TMEM132D: variants seen among roughly 807,000 people sequenced by gnomAD.
TMEM132D encodes transmembrane protein 132D.
TMEM132D carries 21 observed loss-of-function variants against 62.3 expected under a neutral mutation model. The observed-to-expected ratio is 0.34, with a 90% CI of 0.24 to 0.49. The LOEUF (loss-of-function observed/expected upper bound fraction) is 0.49, where lower values mean the gene tolerates loss of function less well. Among genes scored for constraint, TMEM132D ranks in the 20% least tolerant of loss-of-function variants. The pLI, the probability that TMEM132D is intolerant of heterozygous loss-of-function variation, is 0.99. For synonymous variants in TMEM132D, 621 were observed against 575.6 expected, an observed-to-expected ratio of 1.08 and a Z score of -1.13; for missense variants, 1,346 against 1,402.8, an observed-to-expected ratio of 0.96 and a Z score of 0.65.
chr12:129,353,088 CCCCTCCCT>C (rs1027133379), intron 3 of TMEM132D, among the ~76,000 whole-genome samples: 11 of 151,332 alleles, frequency 7.3e-5, no homozygotes, highest in African/African-American at 2.7e-4. Context: ...CTGTCCTTTC[CCCCTCCCT>C]CCCTCCCTCC....
At chr12:129,731,061 C>T (rs1300496889) in intron 1 of TMEM132D, among the ~76,000 whole-genome samples, 1 of 152,062 alleles carries the variant, frequency 6.6e-6, no homozygotes, top group Admixed American at 6.5e-5. Context: ...CTCTAGAGAA[C>T]CCTGATTAAT....
intron 1 of TMEM132D, among the ~76,000 whole-genome samples, chr12:129,901,595 A>ACCT (rs1276780538): frequency 1.3e-5 from 2 of 152,186 alleles, no homozygotes; most frequent in East Asian, 3.8e-4. Context: ...CCTAGTAAAG[A>ACCT]GGCTTCCACA....
chr12:129,095,334 A>G (rs1332069509), intron 5 of TMEM132D, among the ~76,000 whole-genome samples: 2 of 148,666 alleles, frequency 1.3e-5, no homozygotes, highest in Non-Finnish European at 3.0e-5. Context: ...TAACACCACA[A>G]TATGCCTGCT....
intron 3 of TMEM132D, among the ~76,000 whole-genome samples, chr12:129,424,576 T>C (rs928406761): frequency 2.8e-4 from 43 of 151,642 alleles, no homozygotes; most frequent in Non-Finnish European, 3.1e-4. Flanking sequence ...GGCGTGGTGG[T>C]GGGCACCTGT....
At chr12:129,504,152 T>C (rs1441251151) in intron 3 of TMEM132D, among the ~76,000 whole-genome samples, 1 of 152,060 alleles carries the variant, frequency 6.6e-6, no homozygotes, top group Admixed American at 6.6e-5. Context: ...ATCACCGTCA[T>C]CATCATCACC....
intron 5 of TMEM132D, chr12:129,109,920 C>T (rs1009019528): frequency 6.5e-6 from 1 of 153,012 alleles, no homozygotes. Context: ...TGAAATGTCC[C>T]TTCTGTCCTC....
chr12:129,523,497 T>G (rs1256177597), intron 3 of TMEM132D, among the ~76,000 whole-genome samples: 1 of 152,216 alleles, frequency 6.6e-6, no homozygotes, highest in Non-Finnish European at 1.5e-5. Flanking sequence ...GTCGGTATTT[T>G]AGTATTACAG....
chr12:129,111,580 C>G (rs1404249525), intron 5 of TMEM132D: 1 of 152,144 alleles, frequency 6.6e-6, no homozygotes, highest in Non-Finnish European at 1.5e-5. Context: ...CCTGGCACTC[C>G]ATAAAGAACA....
chr12:129,551,609 G>T (rs969666543), intron 2 of TMEM132D, among the ~76,000 whole-genome samples: 1 of 152,160 alleles, frequency 6.6e-6, no homozygotes, highest in African/African-American at 2.4e-5. Flanking sequence ...GCGCCAATCA[G>T]TTGGGGCTGC....
chr12:129,656,291 A>AT (rs142909035), intron 2 of TMEM132D, among the ~76,000 whole-genome samples: 14 of 151,762 alleles, frequency 9.2e-5, no homozygotes, highest in Non-Finnish European at 1.5e-4. Flanking sequence ...AAGGGAAGAG[A>AT]AGGAAGGAGA....
At chr12:129,202,705 A>C (rs1223697255) in intron 5 of TMEM132D, among the ~76,000 whole-genome samples, 1 of 152,078 alleles carries the variant, frequency 6.6e-6, no homozygotes, top group East Asian at 1.9e-4. Context: ...TGGAGACTGG[A>C]GATGTGGCCA....
rs184142959 is a variant in TMEM132D at position 129,452,091 on chromosome 12, C to T, written c.1115+78968G>A. Among the ~76,000 whole-genome samples the T allele has an allele frequency of 4.8e-4, 73 of 152,264 alleles. No homozygotes were observed. The East Asian group carries it at 9.8e-3, about 21-fold the overall frequency. On this transcript the variant is annotated intron_variant, in intron 3 of 8. Transcript: ENST00000422113. ...AAGCCTTGGTGAATTTTTCCTGGCT[C>T]CTCATGTCCTCTGAGACACCATGCA... is the stretch of plus-strand genomic sequence containing the variant.
chr12:129,860,819 G>A (rs541239443), intron 1 of TMEM132D, among the ~76,000 whole-genome samples: 28 of 152,314 alleles, frequency 1.8e-4, no homozygotes, highest in Admixed American at 1.8e-3. Flanking sequence ...AAAGAAGAAT[G>A]AGAGCTGAGC....
chr12:129,814,212 T>A (rs1012124856), intron 1 of TMEM132D, among the ~76,000 whole-genome samples: 2 of 151,854 alleles, frequency 1.3e-5, no homozygotes, highest in Non-Finnish European at 2.9e-5. Context: ...CAGGAAGGGG[T>A]GAGAAACTGA....
chr12:129,518,534 T>C (rs61945379), intron 3 of TMEM132D, among the ~76,000 whole-genome samples: 2 of 87,550 alleles, frequency 2.3e-5, no homozygotes, highest in Non-Finnish European at 3.2e-5. Context: ...TATATACATA[T>C]ACACATGTGC....
intron 2 of TMEM132D, among the ~76,000 whole-genome samples, chr12:129,605,568 T>A (rs1233035193): frequency 1.4e-5 from 2 of 142,540 alleles, no homozygotes; most frequent in East Asian, 4.0e-4. Context: ...GCCTTTAAAT[T>A]ATTATGGGAA....
At chr12:129,102,101 C>A (rs992188823) in intron 5 of TMEM132D, among the ~76,000 whole-genome samples, 4 of 151,712 alleles carry the variant, frequency 2.6e-5, no homozygotes, top group African/African-American at 9.7e-5. Context: ...GCAGAGATGA[C>A]CCTTGCCTGG....
intron 3 of TMEM132D, among the ~76,000 whole-genome samples, chr12:129,459,230 TGA>T (rs1566075726): frequency 1.3e-5 from 2 of 152,162 alleles, no homozygotes; most frequent in African/African-American, 4.8e-5. Context: ...TGGACTTTCA[TGA>T]GAGGAGCCTG....
At chr12:129,890,526 TA>T (rs1469294641) in intron 1 of TMEM132D, among the ~76,000 whole-genome samples, 1 of 152,168 alleles carries the variant, frequency 6.6e-6, no homozygotes, top group Non-Finnish European at 1.5e-5. Flanking sequence ...AAACTGTCTC[TA>T]CCACAGTGGG....
Sources: allele counts gnomAD v4.1 joint callset (sites outside exome capture counted in the v4.1 genomes callset), GRCh38; gene constraint gnomAD v4.1.1; transcripts MANE v1.5; gene names NCBI Gene and HGNC (gene_info 2026-07-23, HGNC 2026-07-21).